SLC11A2: variants seen among roughly 807,000 people sequenced by gnomAD.
SLC11A2 encodes solute carrier family 11 member 2.
SLC11A2 carries 38 observed loss-of-function variants against 68.0 expected under a neutral mutation model. The ratio of observed to expected loss-of-function variants is 0.56; its 90% CI spans 0.43 to 0.73. SLC11A2 has a LOEUF of 0.73. SLC11A2 is among the 30% of genes least tolerant of loss of function. The pLI is 0.00. For missense variants in SLC11A2, 517 were observed against 690.5 expected (o/e 0.75, Z 2.82); for synonymous variants, 242 against 250.6 (o/e 0.97, Z 0.32).
At chr12:50,962,560 T>C in the SLC11A2 span, among the ~76,000 whole-genome samples, 2 of 151,450 alleles carry the variant, frequency 1.3e-5, no homozygotes, top group African/African-American at 2.4e-5. Flanking sequence ...ATTAGCCAGG[T>C]GTGGCATGCG....
chr12:50,979,673 T>C (rs1345574192), downstream of SLC11A2: 6 of 366,540 alleles, frequency 1.6e-5, no homozygotes, highest in Admixed American at 2.0e-4. Flanking sequence ...CTGCTCTCAT[T>C]ATCTGAAGTT....
Position 50,988,065 on chromosome 12 carries a change from C to T in SLC11A2, c.*260G>A. The T allele has an allele frequency of 7.1e-7, 1 of 1,416,876 alleles. No individual in the cohort carries two copies. The highest frequency in any genetic ancestry group is 9.3e-7 in the Non-Finnish European group (1 of 1,072,786). 87.8% of individuals were successfully genotyped at this position (1,416,876 alleles called of 1,614,324 possible). On this transcript the variant is annotated 3_prime_UTR_variant, in exon 16 of 16. Transcript: ENST00000262052. The stretch of plus-strand genomic sequence containing the variant: ...AACTGAGCTGGCCCTTGGGCAACTA[C>T]TTAAGAATTTAGTGTTGGAATGATA...
At chr12:51,015,197 C>T (rs1383385571) in intron 1 of SLC11A2, among the ~76,000 whole-genome samples, 4 of 137,470 alleles carry the variant, frequency 2.9e-5, no homozygotes, top group Admixed American at 7.7e-5. Flanking sequence ...AGGGAGGGGC[C>T]GGGCGCAGTG....
intron 9 of SLC11A2, 91 bp downstream of exon 9, chr12:50,996,726 A>G: frequency 7.5e-7 from 1 of 1,337,148 alleles, no homozygotes; most frequent in East Asian, 2.3e-5. Flanking sequence ...CATGGTCCTA[A>G]TAATTGTAAA....
At chr12:50,957,089 ATTC>A in the SLC11A2 span, among the ~76,000 whole-genome samples, 3 of 151,948 alleles carry the variant, frequency 2.0e-5, no homozygotes, top group Admixed American at 6.6e-5. Context: ...TGATTTACTG[ATTC>A]TTATTTCCAT....
chr12:50,959,947 G>GC, the SLC11A2 span, among the ~76,000 whole-genome samples: 1 of 152,174 alleles, frequency 6.6e-6, no homozygotes, highest in Admixed American at 6.5e-5. Context: ...ACTGCACCTG[G>GC]CCCAGTATCT....
At chr12:51,013,745 A>G (rs957716519) in intron 1 of SLC11A2, among the ~76,000 whole-genome samples, 12 of 152,054 alleles carry the variant, frequency 7.9e-5, no homozygotes, top group Admixed American at 7.2e-4. Context: ...TCTAAAAAAG[A>G]AGAAAAAGAA....
In SLC11A2 at chr12:50,986,823, A is replaced by C. The variant is rs955466891; in HGVS notation, c.*1502T>G. On this transcript the variant is annotated 3_prime_UTR_variant, in exon 16 of 16. Coordinates refer to ENST00000262052, the MANE Select transcript of SLC11A2 (RefSeq NM_000617.3). ...AGTGTACCCTTAAATGCCTTATAAAAGACCATCCATCCAGTCTGCGCTTTT... is the reference window on the plus strand; with the variant it reads ...AGTGTACCCTTAAATGCCTTATAAACGACCATCCATCCAGTCTGCGCTTTT... 2 of 1,287,110 alleles carry C rather than the reference A, an allele frequency of 1.6e-6. No homozygotes were observed. Among genetic ancestry groups the C allele is most frequent in the African/African-American group, 1.5e-5 (1 of 65,800 alleles). The allele number at this position is 1,287,110 out of a possible 1,614,324, so 79.7% of individuals were successfully genotyped here. A position where few individuals can be genotyped will look rare whatever the true frequency, so the allele number is the denominator to read the frequency against.
downstream of SLC11A2, among the ~76,000 whole-genome samples, chr12:50,984,977 C>G (rs1237067459): frequency 2.0e-5 from 3 of 152,138 alleles, no homozygotes; most frequent in African/African-American, 7.2e-5. Flanking sequence ...GTTCAAATGC[C>G]AACTGCACAT....
upstream of SLC11A2, among the ~76,000 whole-genome samples, chr12:51,027,475 G>GACA (rs1474402040): frequency 6.6e-6 from 1 of 151,082 alleles, no homozygotes; most frequent in Non-Finnish European, 1.5e-5. Context: ...CAGTTTGACC[G>GACA]CCTTAGGTGT....
chr12:50,993,883 C>A (rs573637174), intron 11 of SLC11A2, among the ~76,000 whole-genome samples: 1 of 149,436 alleles, frequency 6.7e-6, no homozygotes, highest in Admixed American at 6.7e-5. Context: ...GTCCCATTAC[C>A]CAAAAGACTG....
At position 51,004,852 on chromosome 12, in the gene SLC11A2, G is replaced by A. The variant is rs1359052884; in HGVS notation, c.365C>T (p.Ala122Val). Residue 122 changes from alanine to valine, a missense_variant, in exon 5 of 16, where the codon GCA (alanine) becomes GTA (valine). Transcript: ENST00000262052. ...CCCAGTAACCACTCCCAGTCTAGCT[G>A]CAAGCCGCTGGAGCAGCAGCCCCAC... ...TLVGLLLQRL[A>V]ARLGVVTGLH... The A allele has an allele frequency of 1.9e-6, 3 of 1,613,954 alleles. No homozygotes were observed. The highest frequency in any genetic ancestry group is 1.3e-5 in the African/African-American group (1 of 74,940).
chr12:50,976,038 T>C (rs1939844184), downstream of SLC11A2, among the ~76,000 whole-genome samples: 1 of 152,178 alleles, frequency 6.6e-6, no homozygotes, highest in Admixed American at 6.5e-5. Flanking sequence ...ACCAGACGGA[T>C]TCACAGCCGA....
At chr12:51,010,016 T>C (rs1195581817) in intron 2 of SLC11A2, among the ~76,000 whole-genome samples, 1 of 151,762 alleles carries the variant, frequency 6.6e-6, no homozygotes, top group African/African-American at 2.4e-5. Flanking sequence ...ACCCCATCTC[T>C]ACTAAAAATA....
chr12:51,001,465 A>G (rs1433446487), intron 5 of SLC11A2, among the ~76,000 whole-genome samples: 1 of 151,976 alleles, frequency 6.6e-6, no homozygotes, highest in Admixed American at 6.6e-5. Context: ...TGATGTAATA[A>G]TATGTACAAC....
intron 5 of SLC11A2, among the ~76,000 whole-genome samples, chr12:51,004,475 G>C (rs1165945907): frequency 1.3e-5 from 2 of 152,164 alleles, no homozygotes; most frequent in Non-Finnish European, 2.9e-5. Flanking sequence ...ATGAATAAAA[G>C]TGCTTAGAGA....
chr12:50,968,110 G>GGAGGAGGAGGAGGAGAAT, the SLC11A2 span, among the ~76,000 whole-genome samples: 1 of 151,918 alleles, frequency 6.6e-6, no homozygotes. Context: ...AGAAGGAGGA[G>GGAGGAGGAGGAGGAGAAT]GAGGAGGAGG....
intron 10 of SLC11A2, among the ~76,000 whole-genome samples, chr12:50,995,287 T>C (rs1280657274): frequency 6.6e-6 from 1 of 152,148 alleles, no homozygotes; most frequent in East Asian, 1.9e-4. Context: ...CCAGCTTGGA[T>C]GACAGTGCAA....
chr12:50,990,483 AAAT>A (rs1941040939), intron 15 of SLC11A2: 1 of 272,600 alleles, frequency 3.7e-6, no homozygotes, highest in South Asian at 9.3e-5. Context: ...TTATGGTTAG[AAAT>A]ATTATTTTGT....
Sources: gnomAD v4.1 joint callset for allele counts (sites outside exome capture counted in the v4.1 genomes callset) on GRCh38, gnomAD v4.1.1 for gene constraint, MANE v1.5 for transcripts, NCBI Gene and HGNC (gene_info 2026-07-23, HGNC 2026-07-21) for gene names.